Variants in ELF2 observed in about 807,000 individuals in gnomAD.
ELF2 encodes the protein E74 like ETS transcription factor 2.
Under a neutral mutation model 54.8 loss-of-function variants are expected in ELF2, and 11 were observed. The observed-to-expected ratio is 0.20, with a 90% confidence interval of 0.13 to 0.33. ELF2 has a LOEUF of 0.33. ELF2 is among the 10% of genes least tolerant of loss of function. The probability of loss-of-function intolerance (pLI) is 1.00; values close to 1 mark genes in which losing one functional copy is unlikely to be tolerated. For missense variants in ELF2, 513 were observed against 703.0 expected (o/e 0.73, Z 3.06); for synonymous variants, 203 against 245.1 (o/e 0.83, Z 1.61).
chr4:139,085,473 G>T (rs1731880050), intron 4 of ELF2, among the ~76,000 whole-genome samples: 1 of 152,156 alleles, frequency 6.6e-6, no homozygotes, highest in African/African-American at 2.4e-5. Flanking sequence ...AGAAAAAAAT[G>T]TTTTCAGTGG....
rs552663750 is a variant in ELF2 at position 139,107,406 on chromosome 4, T to C, written c.238+17758A>G. ...AAAACCTCTTGTTAAAACAAAACAA[T>C]AAATGTTTGAGGTGATGGATATCCC... On this transcript the variant is annotated intron_variant, in intron 4 of 9. Transcript: ENST00000686138. Among the ~76,000 whole-genome samples, 8 of 152,312 alleles carry C rather than the reference T, an allele frequency of 5.3e-5. No individual in the cohort carries two copies. In the East Asian group the frequency reaches 1.3e-3, roughly 26 times the overall value.
Position 139,160,187 on chromosome 4 carries a change from A to G in ELF2, c.-252+16780T>C, listed in dbSNP as rs537883537. On this transcript the variant is annotated intron_variant, in intron 1 of 9. Transcript: ENST00000686138. ...CCTGTCTCTACTAAAAGTACAAAAA[A>G]TTAGCTGGGCGTGGTGGTGGGCGCC... Among the ~76,000 whole-genome samples the G allele has an allele frequency of 9.8e-5, 15 of 152,288 alleles. 1 individual carries two copies. Among genetic ancestry groups the G allele is most frequent in the African/African-American group, 3.4e-4 (14 of 41,560 alleles).
intron 1 of ELF2, among the ~76,000 whole-genome samples, chr4:139,144,317 G>T (rs187261276): frequency 2.0e-5 from 3 of 152,122 alleles, no homozygotes; most frequent in African/African-American, 7.2e-5. Flanking sequence ...GAAGCACCAG[G>T]GGCGGGAAGA....
intron 4 of ELF2, among the ~76,000 whole-genome samples, chr4:139,121,796 T>C (rs1758046443): frequency 6.6e-6 from 1 of 152,238 alleles, no homozygotes; most frequent in South Asian, 2.1e-4. Flanking sequence ...TTTAGATGAA[T>C]ATGCCTATTT....
At chr4:139,060,282 T>C (rs377690563) in intron 9 of ELF2, 42 bp downstream of exon 9, 305 of 1,481,042 alleles carry the variant, frequency 2.1e-4, no homozygotes, top group Non-Finnish European at 2.5e-4. Flanking sequence ...GAGACTTTTT[T>C]AAAAAGTAAA....
intron 1 of ELF2, among the ~76,000 whole-genome samples, chr4:139,169,625 A>C (rs891203445): frequency 1.3e-5 from 2 of 152,138 alleles, no homozygotes; most frequent in African/African-American, 4.8e-5. Context: ...TGGGAGGCCC[A>C]GGTGGGAGGA....
At chr4:139,155,085 A>G (rs1229273535) in intron 1 of ELF2, 2 of 152,194 alleles carry the variant, frequency 1.3e-5, no homozygotes, top group African/African-American at 2.4e-5. Context: ...CTTGGTTCAC[A>G]TGGTATAGGG....
intron 1 of ELF2, among the ~76,000 whole-genome samples, chr4:139,176,487 C>T (rs1251760290): frequency 6.6e-6 from 1 of 151,870 alleles, no homozygotes; most frequent in Non-Finnish European, 1.5e-5. Flanking sequence ...CGGCCGCAGA[C>T]TCCCGCCCTA....
intron 1 of ELF2, among the ~76,000 whole-genome samples, chr4:139,166,440 G>C (rs1020058001): frequency 3.3e-5 from 5 of 151,940 alleles, no homozygotes; most frequent in African/African-American, 1.2e-4. Flanking sequence ...TCTGCAATCA[G>C]GTTCATGGAA....
chr4:139,129,150 C>T (rs1737242141), intron 3 of ELF2, among the ~76,000 whole-genome samples: 1 of 152,072 alleles, frequency 6.6e-6, no homozygotes, highest in Non-Finnish European at 1.5e-5. Flanking sequence ...GGTGGTCAGG[C>T]TAGTCTCAAA....
At chr4:139,114,520 G>A (rs1368695169) in intron 4 of ELF2, among the ~76,000 whole-genome samples, 1 of 139,800 alleles carries the variant, frequency 7.2e-6, no homozygotes, top group African/African-American at 2.6e-5. Flanking sequence ...CTGAGATCGC[G>A]CCACTGCACT....
At chr4:139,096,141 C>A (rs767487210) in intron 4 of ELF2, among the ~76,000 whole-genome samples, 1 of 151,824 alleles carries the variant, frequency 6.6e-6, no homozygotes, top group Admixed American at 6.6e-5. Context: ...TGTAGCTATG[C>A]GCATATATGA....
Position 139,060,469 on chromosome 4 carries a change from G to A in ELF2, c.1012C>T (p.Arg338Cys), listed in dbSNP as rs191145552. 1.4e-5 allele frequency: 22 copies of A among 1,614,136 alleles called. No individual in the cohort carries two copies. Among genetic ancestry groups the A allele is most frequent in the Admixed American group, 3.3e-5 (2 of 60,016 alleles). ...ATAGGGGATGAATTTTTTCCACTGC[G>A]AACAGAGGATGCTGCTTTCAGGAGA... ...ESLLKAASSV[R>C]SGKNSSPINC... Residue 338 changes from arginine (R) to cysteine (C), a missense_variant, in exon 9 of 10, where the codon CGC (arginine) becomes TGC (cysteine). Physicochemically the swap from Arg to Cys is radical, Grantham distance 180. This residue lies in a region of ELF2 where 291 missense variants were observed against 366.1 expected (regional missense o/e 0.79). Coordinates refer to ENST00000686138, the MANE Select transcript of ELF2 (RefSeq NM_001331036.3).
intron 4 of ELF2, among the ~76,000 whole-genome samples, chr4:139,119,460 T>C (rs1030606032): frequency 6.6e-6 from 1 of 152,196 alleles, no homozygotes; most frequent in Admixed American, 6.5e-5. Context: ...CAGGATATTA[T>C]TGGGAAGAGG....
chr4:139,070,497 A>C (rs1578690954), intron 6 of ELF2, among the ~76,000 whole-genome samples: 1 of 150,756 alleles, frequency 6.6e-6, no homozygotes, highest in African/African-American at 2.4e-5. Context: ...CATCATGTTG[A>C]CCAGGCTGGT....
intron 4 of ELF2, chr4:139,084,355 A>C: frequency 1.3e-6 from 2 of 1,496,288 alleles, no homozygotes; most frequent in Non-Finnish European, 1.8e-6. Flanking sequence ...GTCCTCCGAC[A>C]GGAAGCCGAG....
chr4:139,134,253 G>C (rs1472482017), intron 3 of ELF2, among the ~76,000 whole-genome samples: 3 of 151,768 alleles, frequency 2.0e-5, no homozygotes, highest in Admixed American at 6.6e-5. Context: ...TTGATATGGT[G>C]AATCACTTGA....
intron 1 of ELF2, among the ~76,000 whole-genome samples, chr4:139,160,106 G>T (rs964610178): frequency 6.6e-6 from 1 of 152,190 alleles, no homozygotes; most frequent in Non-Finnish European, 1.5e-5. Flanking sequence ...GGGAGGCCAA[G>T]GCGGGCAGAT....
chr4:139,159,042 C>T (rs968872339), intron 1 of ELF2, among the ~76,000 whole-genome samples: 12 of 152,094 alleles, frequency 7.9e-5, no homozygotes, highest in Non-Finnish European at 8.8e-5. Flanking sequence ...GAAGGCCAAA[C>T]CGAGGAATTA....
Sources: allele counts gnomAD v4.1 joint callset (sites outside exome capture counted in the v4.1 genomes callset), GRCh38; gene constraint gnomAD v4.1.1; regional missense constraint gnomAD v4.1.1; transcripts MANE v1.5; gene names NCBI Gene and HGNC (gene_info 2026-07-23, HGNC 2026-07-21).